Variants in HACD2 observed in about 807,000 individuals in gnomAD.
HACD2 encodes 3-hydroxyacyl-CoA dehydratase 2.
In HACD2, 15 loss-of-function variants were observed where a neutral mutation model predicts 31.0. The ratio of observed to expected loss-of-function variants is 0.48; its 90% CI spans 0.32 to 0.75. The LOEUF (loss-of-function observed/expected upper bound fraction) is 0.75. Ranked by LOEUF, HACD2 falls within the 30% of genes least tolerant of loss-of-function variation. The pLI, the probability that HACD2 is intolerant of heterozygous loss-of-function variation, is 0.03. For synonymous variants in HACD2, 115 were observed against 122.2 expected, an observed-to-expected ratio of 0.94 and a Z score of 0.39; for missense variants, 283 against 313.0, an observed-to-expected ratio of 0.90 and a Z score of 0.72.
intron 3 of HACD2, among the ~76,000 whole-genome samples, chr3:123,532,233 C>CT (rs1478353578): frequency 3.9e-5 from 6 of 152,228 alleles, no homozygotes; most frequent in Admixed American, 3.9e-4. Context: ...CGTTCTCTAT[C>CT]CAGTGAACTC....
At chr3:123,540,415 C>T (rs1208162265) in intron 3 of HACD2, among the ~76,000 whole-genome samples, 2 of 152,132 alleles carry the variant, frequency 1.3e-5, no homozygotes, top group Admixed American at 1.3e-4. Context: ...CTTTTGAGGT[C>T]TCCACTCTGA....
chr3:123,571,619 A>G (rs186278342), intron 2 of HACD2, among the ~76,000 whole-genome samples: 3 of 152,346 alleles, frequency 2.0e-5, no homozygotes, highest in South Asian at 2.1e-4. Context: ...GATTCAGCCA[A>G]TAACCTGGAT....
At chr3:123,540,757 GT>G (rs961136146) in intron 3 of HACD2, among the ~76,000 whole-genome samples, 3 of 151,386 alleles carry the variant, frequency 2.0e-5, no homozygotes, top group East Asian at 1.9e-4. Context: ...ATCACAGACA[GT>G]TTTTTTTTAA....
chr3:123,526,862 G>T (rs1299357144), intron 4 of HACD2, among the ~76,000 whole-genome samples: 2 of 152,158 alleles, frequency 1.3e-5, no homozygotes, highest in Non-Finnish European at 2.9e-5. Context: ...TAATAGAATT[G>T]CCTGATTTGA....
At chr3:123,534,029 AGTGT>A (rs62840760) in intron 3 of HACD2, among the ~76,000 whole-genome samples, 2 of 149,856 alleles carry the variant, frequency 1.3e-5, no homozygotes, top group South Asian at 2.1e-4. Context: ...AACATAGTGG[AGTGT>A]GTGTGTGTGT....
chr3:123,530,084 C>T (rs1201033225), intron 3 of HACD2, among the ~76,000 whole-genome samples: 1 of 152,026 alleles, frequency 6.6e-6, no homozygotes, highest in Non-Finnish European at 1.5e-5. Context: ...TGCTTATTAA[C>T]ATGTTAAGTT....
rs769300184 is a variant in HACD2, at chr3:123,536,702, C to CG, written c.293-8229_293-8228insC. Among the ~76,000 whole-genome samples, 66 of 152,188 alleles carry CG rather than the reference C, an allele frequency of 4.3e-4. 1 individual carries two copies. The highest frequency in any genetic ancestry group is 8.4e-4 in the Non-Finnish European group (57 of 67,992). On this transcript the variant is annotated intron_variant, in intron 3 of 6. Transcript: ENST00000383657. ...AAAAATAATACTTCAGAGATCCAGA[C>CG]CAAAAAAATTACCTATAAAGTAGTA...
chr3:123,536,230 T>C (rs1042699740), intron 3 of HACD2, among the ~76,000 whole-genome samples: 5 of 152,134 alleles, frequency 3.3e-5, no homozygotes, highest in Admixed American at 1.3e-4. Context: ...GTCCTCAGGG[T>C]GTAGAAAAAT....
At chr3:123,573,902 A>C (rs572930286) in intron 2 of HACD2, among the ~76,000 whole-genome samples, 1 of 152,288 alleles carries the variant, frequency 6.6e-6, no homozygotes, top group East Asian at 1.9e-4. Context: ...TTATTTGCTT[A>C]ATTTTCATAT....
At chr3:123,574,702 T>C (rs1236728228) in intron 2 of HACD2, among the ~76,000 whole-genome samples, 1 of 152,148 alleles carries the variant, frequency 6.6e-6, no homozygotes, top group Non-Finnish European at 1.5e-5. Flanking sequence ...GATATATAAA[T>C]ATATACTAAA....
At chr3:123,531,905 AC>A (rs1186425317) in intron 3 of HACD2, among the ~76,000 whole-genome samples, 1 of 152,202 alleles carries the variant, frequency 6.6e-6, no homozygotes, top group Non-Finnish European at 1.5e-5. Context: ...ATGAAGCATT[AC>A]AAATAACACT....
intron 2 of HACD2, among the ~76,000 whole-genome samples, chr3:123,577,410 AGGAGAT>A (rs1378772695): frequency 1.3e-5 from 2 of 152,074 alleles, no homozygotes; most frequent in Non-Finnish European, 2.9e-5. Flanking sequence ...TCATGAGGTC[AGGAGAT>A]CGAGACCATC....
At chr3:123,552,368 A>G (rs1576774229) in intron 3 of HACD2, among the ~76,000 whole-genome samples, 1 of 152,198 alleles carries the variant, frequency 6.6e-6, no homozygotes, top group South Asian at 2.1e-4. Context: ...AAGGTGAGGT[A>G]AAACAATCAG....
At chr3:123,528,310 T>C in intron 4 of HACD2, 76 bp downstream of exon 4, 1 of 900,274 alleles carries the variant, frequency 1.1e-6, no homozygotes, top group South Asian at 1.3e-5. Flanking sequence ...TCTTTAGCCA[T>C]AACAAACATG....
chr3:123,520,664 T>G (rs1038878103), intron 4 of HACD2, among the ~76,000 whole-genome samples: 1 of 152,236 alleles, frequency 6.6e-6, no homozygotes, highest in African/African-American at 2.4e-5. Context: ...ACTTACTTTT[T>G]TGTCTTAGAA....
At chr3:123,526,617 A>G (rs2056287048) in intron 4 of HACD2, among the ~76,000 whole-genome samples, 1 of 152,134 alleles carries the variant, frequency 6.6e-6, no homozygotes, top group Non-Finnish European at 1.5e-5. Flanking sequence ...ACAATTTTGA[A>G]TATGGAAATG....
chr3:123,552,720 A>G (rs1420247753), intron 3 of HACD2, among the ~76,000 whole-genome samples: 7 of 152,226 alleles, frequency 4.6e-5, no homozygotes, highest in African/African-American at 1.7e-4. Context: ...AATCAATTCA[A>G]AAACTGAAAA....
chr3:123,567,826 G>T, intron 2 of HACD2, 46 bp from the exon 3 acceptor site: 2 of 1,307,392 alleles, frequency 1.5e-6, no homozygotes, highest in South Asian at 1.5e-5. Context: ...TAAGAATCAA[G>T]ATATTAAAGT....
At chr3:123,514,660 T>G (rs1461522984) in intron 4 of HACD2, among the ~76,000 whole-genome samples, 1 of 152,158 alleles carries the variant, frequency 6.6e-6, no homozygotes, top group Non-Finnish European at 1.5e-5. Flanking sequence ...GGCCCCAATC[T>G]ACCTCCCCAT....
Sources: gnomAD v4.1 joint callset for allele counts (sites outside exome capture counted in the v4.1 genomes callset) on GRCh38, gnomAD v4.1.1 for gene constraint, MANE v1.5 for transcripts, NCBI Gene and HGNC (gene_info 2026-07-23, HGNC 2026-07-21) for gene names.